Variants in ABCC11 observed in about 807,000 individuals in gnomAD.
The protein encoded by ABCC11 is ATP-binding cassette sub-family C member 11.
A neutral mutation model predicts 149.3 loss-of-function variants in ABCC11; 135 were observed. The observed-to-expected ratio is 0.90, with a 90% CI of 0.79 to 1.04. ABCC11 has a LOEUF of 1.04. Among genes scored for constraint, ABCC11 ranks in the 50% least tolerant of loss-of-function variants. The pLI, the probability that ABCC11 is intolerant of heterozygous loss-of-function variation, is 0.00. For missense variants in ABCC11, 1,680 were observed against 1,722.1 expected (o/e 0.98, Z 0.43); for synonymous variants, 665 against 671.4 (o/e 0.99, Z 0.15).
At chr16:48,183,322 G>C (rs1966558830) in intron 23 of ABCC11, among the ~76,000 whole-genome samples, 1 of 152,228 alleles carries the variant, frequency 6.6e-6, no homozygotes, top group African/African-American at 2.4e-5. Flanking sequence ...CCTTCTGTGG[G>C]ACTCTGTGGA....
chr16:48,179,991 T>G (rs921337429), intron 23 of ABCC11, among the ~76,000 whole-genome samples: 1 of 152,232 alleles, frequency 6.6e-6, no homozygotes, highest in Non-Finnish European at 1.5e-5. Context: ...GAAATGGTGC[T>G]TAGTCTGAAA....
At chr16:48,215,985 G>T in intron 7 of ABCC11, 129 bp downstream of exon 7, 1 of 1,018,960 alleles carries the variant, frequency 9.8e-7, no homozygotes, top group South Asian at 1.5e-5. Context: ...AGGGAGTGGA[G>T]CTGAATCTTA....
chr16:48,176,493 G>T (rs1230692748), intron 25 of ABCC11, among the ~76,000 whole-genome samples: 1 of 151,962 alleles, frequency 6.6e-6, no homozygotes, highest in African/African-American at 2.4e-5. Context: ...GAGGAAAAGG[G>T]GAGTCTGGAT....
Position 48,244,161 on chromosome 16 carries a change from A to C in ABCC11, c.-19+3153T>G, listed in dbSNP as rs1971184041. ...CTGTAAGTGAGGCGAAGGTCGCTGC[A>C]CGCTTGAGTGCACGTCTTTCCGCAT... On this transcript the variant is annotated intron_variant, in intron 1 of 29. Transcript: ENST00000356608. 3 of 471,034 alleles carry C rather than the reference A, an allele frequency of 6.4e-6. No homozygotes were observed. In the South Asian group the frequency reaches 1.2e-4, roughly 19 times the overall value. The allele number at this position is 471,034 out of a possible 1,614,324, so 29.2% of individuals were successfully genotyped here.
rs761268622 is a variant in ABCC11 at position 48,216,122 on chromosome 16, G to C, written c.943C>G (p.Pro315Ala). 3 of 1,613,786 alleles carry C rather than the reference G, an allele frequency of 1.9e-6. No individual in the cohort carries two copies. In the East Asian group the frequency reaches 6.7e-5, roughly 36 times the overall value. The change falls in exon 7 of 30, where the codon CCA (proline) becomes GCA (alanine). Residue 315 changes from proline to alanine, a missense_variant. Transcript: ENST00000356608. ...IAILCYLLVF[P>A]LAVFMTRMAV... ...ACAGAGAAAGACATTACCGCCAGTG[G>C]GAAAACCAGGAGATAGCATAAGATG...
chr16:48,229,734 G>C (rs930896097), intron 3 of ABCC11, among the ~76,000 whole-genome samples: 3 of 152,146 alleles, frequency 2.0e-5, no homozygotes, highest in African/African-American at 7.2e-5. Flanking sequence ...AAAGTGCTGG[G>C]ATTACAGGCG....
chr16:48,228,969 A>G (rs1467647608), intron 3 of ABCC11, among the ~76,000 whole-genome samples: 1 of 152,108 alleles, frequency 6.6e-6, no homozygotes. Context: ...CAATTCGAAA[A>G]GAGACTTGAG....
intron 17 of ABCC11, among the ~76,000 whole-genome samples, chr16:48,197,000 G>A (rs1464014013): frequency 6.8e-6 from 1 of 147,862 alleles, no homozygotes; most frequent in Non-Finnish European, 1.5e-5. Context: ...ACACCAGGAT[G>A]GAAATTTTTT....
At chr16:48,231,676 AGAG>A (rs1311791333) in intron 2 of ABCC11, 144 bp downstream of exon 2, 66 of 800,198 alleles carry the variant, frequency 8.2e-5, no homozygotes, top group Non-Finnish European at 1.0e-4. Flanking sequence ...AAAAAAAAAA[AGAG>A]AGAGAGAGAG....
intron 25 of ABCC11, chr16:48,176,067 T>A (rs962541774): frequency 6.6e-6 from 1 of 152,038 alleles, no homozygotes; most frequent in African/African-American, 2.4e-5. Flanking sequence ...GGCAGTAGGG[T>A]CAGAATCTAC....
chr16:48,228,353 G>T (rs1970213640), intron 3 of ABCC11, among the ~76,000 whole-genome samples: 1 of 152,036 alleles, frequency 6.6e-6, no homozygotes, highest in Admixed American at 6.5e-5. Context: ...CAGCACTTTG[G>T]GAGGCCGAGG....
intron 1 of ABCC11, among the ~76,000 whole-genome samples, chr16:48,238,103 A>G (rs1160651378): frequency 6.6e-6 from 1 of 152,208 alleles, no homozygotes; most frequent in East Asian, 1.9e-4. Context: ...TAGGTGTTCA[A>G]AAAATATTTT....
At chr16:48,172,273 A>G (rs1480198745) in intron 26 of ABCC11, among the ~76,000 whole-genome samples, 1 of 152,148 alleles carries the variant, frequency 6.6e-6, no homozygotes, top group African/African-American at 2.4e-5. Context: ...TCATCTGTTT[A>G]TAGACGTATG....
chr16:48,175,690 A>G (rs572829785), intron 25 of ABCC11, among the ~76,000 whole-genome samples: 7 of 152,346 alleles, frequency 4.6e-5, no homozygotes, highest in Middle Eastern at 3.4e-3. Context: ...ACACAATGTT[A>G]GGATTATTTT....
chr16:48,176,435 G>A (rs1215613215), intron 25 of ABCC11, among the ~76,000 whole-genome samples: 1 of 152,148 alleles, frequency 6.6e-6, no homozygotes, highest in African/African-American at 2.4e-5. Flanking sequence ...AGAGGAAAGA[G>A]GAGGAGACAG....
Position 48,176,993 on chromosome 16 carries a change from CGGTG to C in ABCC11, c.3465_3468del (p.Thr1156CysfsTer7). The C allele has an allele frequency of 6.2e-7, 1 of 1,614,184 alleles. No homozygotes were observed. The highest frequency in any genetic ancestry group is 8.5e-7 in the Non-Finnish European group (1 of 1,180,032). ...ATGGTCAGGTTGATGCCGTGAAGCA[CGGTG>C]GGTGTGTTGTCTCTGTATTTCATGT... On this transcript the variant is annotated frameshift_variant, in exon 25 of 30. Transcript: ENST00000356608. LOFTEE classifies it high-confidence loss of function.
At chr16:48,241,094 C>A (rs1251506127) in intron 1 of ABCC11, among the ~76,000 whole-genome samples, 2 of 152,106 alleles carry the variant, frequency 1.3e-5, no homozygotes, top group African/African-American at 2.4e-5. Context: ...ACCACCACAC[C>A]TGGCTAATTT....
chr16:48,233,562 G>A (rs1970537284), intron 1 of ABCC11, among the ~76,000 whole-genome samples: 1 of 152,214 alleles, frequency 6.6e-6, no homozygotes, highest in Admixed American at 6.5e-5. Flanking sequence ...TGGCTGCCAT[G>A]AACCAGCCTA....
intron 22 of ABCC11, among the ~76,000 whole-genome samples, chr16:48,185,351 A>AT (rs1343509402): frequency 6.6e-6 from 1 of 152,164 alleles, no homozygotes; most frequent in Non-Finnish European, 1.5e-5. Context: ...TTTAAGTCAT[A>AT]TTTTTAAGCT....
Sources: allele counts gnomAD v4.1 joint callset (sites outside exome capture counted in the v4.1 genomes callset), GRCh38; gene constraint gnomAD v4.1.1; transcripts MANE v1.5; gene names NCBI Gene and HGNC (gene_info 2026-07-23, HGNC 2026-07-21).